Variants in AKT2 observed in about 807,000 individuals in gnomAD.
AKT2 encodes AKT serine/threonine kinase 2, also known as RAC-beta serine/threonine-protein kinase.
Under a neutral mutation model 58.6 loss-of-function variants are expected in AKT2, and 16 were observed. The ratio of observed to expected loss-of-function variants is 0.27; its 90% CI spans 0.18 to 0.41. The LOEUF is 0.41. Among genes scored for constraint, AKT2 ranks in the 10% least tolerant of loss-of-function variants. The pLI, the probability that AKT2 is intolerant of heterozygous loss-of-function variation, is 1.00. For missense variants in AKT2, 438 were observed against 661.0 expected, an observed-to-expected ratio of 0.66 and a Z score of 3.70; for synonymous variants, 253 against 254.0, an observed-to-expected ratio of 1.00 and a Z score of 0.04.
At chr19:40,280,845 A>G (rs1308600654) in intron 1 of AKT2, 1 of 152,346 alleles carries the variant, frequency 6.6e-6, no homozygotes, top group Non-Finnish European at 1.5e-5. Flanking sequence ...AGAAGTGCCC[A>G]GTCTGTCACC....
intron 4 of AKT2, among the ~76,000 whole-genome samples, chr19:40,246,937 C>T (rs555899277): frequency 4.6e-5 from 7 of 152,314 alleles, no homozygotes; most frequent in Admixed American, 2.6e-4. Context: ...GCGCGCAGGG[C>T]GGGGTGGAAG....
Position 40,231,995 on chromosome 19 carries a change from G to A in AKT2, c.*1877C>T, listed in dbSNP as rs1973726475. ...TCCCTCTCATTCAGTGACAGCACAGGCACCCTCCTCATTCTGGGCTACCCA... is the reference window on the plus strand; with the variant it reads ...TCCCTCTCATTCAGTGACAGCACAGACACCCTCCTCATTCTGGGCTACCCA... On this transcript the variant is annotated 3_prime_UTR_variant, in exon 14 of 14. Coordinates refer to ENST00000392038, the MANE Select transcript of AKT2 (RefSeq NM_001626.6). 4.3e-6 allele frequency: 1 copy of A among 233,532 alleles called. No individual in the cohort carries two copies. Among genetic ancestry groups the A allele is most frequent in the Non-Finnish European group, 8.5e-6 (1 of 118,294 alleles). The allele number at this position is 233,532 out of a possible 1,614,324, so 14.5% of individuals were successfully genotyped here.
At chr19:40,239,791 G>A (rs184173571) in intron 7 of AKT2, 2 of 672,190 alleles carry the variant, frequency 3.0e-6, no homozygotes, top group Admixed American at 2.0e-5. Context: ...AGCAAATAAT[G>A]TGATATCTTC....
In AKT2 at chr19:40,256,950, G is replaced by C. The variant is rs201145928; in HGVS notation, c.151C>G (p.Pro51Ala). ...RPEAPDQTLP[P>A]LNNFSVAECQ... ...CCTGCTACGGAGAAGTTGTTTAAGG[G>C]GGGTAGAGTCTGATCAGGGGCCTCG... Residue 51 changes from proline to alanine, a missense_variant, in exon 3 of 14, where the codon CCC (proline) becomes GCC (alanine). Transcript: ENST00000392038. 71 of 1,614,056 alleles carry C rather than the reference G, an allele frequency of 4.4e-5. No homozygotes were observed. The highest frequency in any genetic ancestry group is 5.7e-5 in the Non-Finnish European group (67 of 1,180,018).
chr19:40,257,140 G>A, intron 2 of AKT2, 86 bp from the exon 3 acceptor site: 1 of 1,536,756 alleles, frequency 6.5e-7, no homozygotes, highest in Non-Finnish European at 9.0e-7. Flanking sequence ...CAGTGTGACG[G>A]TGACTCACAA....
intron 6 of AKT2, chr19:40,241,575 A>G (rs1974408044): frequency 3.3e-6 from 1 of 299,112 alleles, no homozygotes. Context: ...GGGAAAAAGT[A>G]GAATTCCACT....
At chr19:40,282,399 C>A (rs911180007) in intron 1 of AKT2, 9 of 435,998 alleles carry the variant, frequency 2.1e-5, no homozygotes, top group Non-Finnish European at 4.1e-5. Flanking sequence ...GTAGCTGTGT[C>A]ACCCCCTGCA....
rs1015673747 is a variant in AKT2 at position 40,260,444 on chromosome 19, A to G, written c.47-3390T>C. On this transcript the variant is annotated intron_variant, in intron 2 of 13. Transcript: ENST00000392038. ...CAAGAGATAAAGACCATCCTGGCCA[A>G]TATGGTGAAACCCCATCTCTACTAA... 2.2e-4 allele frequency among the ~76,000 whole-genome samples: 33 copies of G among 151,988 alleles called. 1 individual carries two copies. The highest frequency in any genetic ancestry group is 8.0e-4 in the African/African-American group (33 of 41,362).
intron 10 of AKT2, 30 bp downstream of exon 10, chr19:40,236,227 C>T: frequency 6.2e-7 from 1 of 1,613,488 alleles, no homozygotes; most frequent in Non-Finnish European, 8.5e-7. Context: ...CTTGGCCTCA[C>T]ACGTTCCTAC....
chr19:40,275,737 G>A (rs1057130569), intron 1 of AKT2, among the ~76,000 whole-genome samples: 1 of 130,506 alleles, frequency 7.7e-6, no homozygotes, highest in Non-Finnish European at 1.6e-5. Flanking sequence ...GATGACTCAC[G>A]CCTGTAATCC....
chr19:40,240,026 G>A lies in AKT2; in HGVS notation c.639+19C>T, dbSNP rs758140059. 6.2e-7 allele frequency: 1 copy of A among 1,612,884 alleles called. No individual in the cohort carries two copies. Among genetic ancestry groups the A allele is most frequent in the Admixed American group, 1.7e-5 (1 of 60,028 alleles). ...CAAAGGCTGGCCTCACACTGTCTGG[G>A]AAGGGGAGGGCAACTCACAGTGAGG... On this transcript the variant is annotated intron_variant, in intron 7 of 13. Transcript: ENST00000392038.
chr19:40,263,921 G>A (rs1433302359), intron 2 of AKT2, among the ~76,000 whole-genome samples: 1 of 152,154 alleles, frequency 6.6e-6, no homozygotes, highest in Admixed American at 6.5e-5. Context: ...CCCCTTCTCA[G>A]CGAAGCCCCC....
At chr19:40,246,394 G>T (rs151155091) in intron 4 of AKT2, among the ~76,000 whole-genome samples, 362 of 152,278 alleles carry the variant, frequency 2.4e-3, no homozygotes, top group African/African-American at 7.9e-3. Context: ...CAAGTGCTGG[G>T]ATTACAGGTG....
chr19:40,240,357 G>C, intron 6 of AKT2: 1 of 693,504 alleles, frequency 1.4e-6, no homozygotes, highest in Non-Finnish European at 2.7e-6. Context: ...GGACCAGGCT[G>C]CTAGGGACAA....
chr19:40,276,501 G>A (rs145748061), intron 1 of AKT2, among the ~76,000 whole-genome samples: 2,553 of 151,108 alleles, frequency 0.017, 28 homozygotes, highest in Non-Finnish European at 0.025. Context: ...GAATAGCTAG[G>A]ATTATAGGCA....
rs903177336 is a variant in AKT2 at position 40,255,126 on chromosome 19, T to C, written c.287+32A>G. On this transcript the variant is annotated intron_variant, in intron 4 of 13. Coordinates refer to ENST00000392038, the MANE Select transcript of AKT2 (RefSeq NM_001626.6). ...CTCCTCACACCAGGCTTGCTCCCTC[T>C]CAAGGGCAGCCACACAGAGGCCCAG... is the stretch of plus-strand genomic sequence containing the variant. The C allele has an allele frequency of 3.9e-6, 6 of 1,557,926 alleles. No homozygotes were observed. The African/African-American group carries it at 8.1e-5, about 21-fold the overall frequency.
intron 4 of AKT2, among the ~76,000 whole-genome samples, chr19:40,254,365 T>C (rs1373184832): frequency 6.6e-6 from 1 of 151,990 alleles, no homozygotes; most frequent in Non-Finnish European, 1.5e-5. Context: ...CTGTCTCTAC[T>C]AAAAATACAA....
At chr19:40,265,413 A>G in intron 1 of AKT2, 62 bp from the exon 2 acceptor site, 1 of 1,521,836 alleles carries the variant, frequency 6.6e-7, no homozygotes, top group East Asian at 2.5e-5. Context: ...CCCTTCCCTG[A>G]GGACGCCGGG....
chr19:40,238,746 C>G lies in AKT2; in HGVS notation c.708+159G>C, dbSNP rs987962189. 6.6e-6 allele frequency among the ~76,000 whole-genome samples: 1 copy of G among 152,130 alleles called. No homozygotes were observed. The highest frequency in any genetic ancestry group is 1.5e-5 in the Non-Finnish European group (1 of 68,020). ...CTCTCTGAGCCTCAGTGACTGCCCC[C>G]CCAAAATGGAGACGAAGCCGCCTGC... On this transcript the variant is annotated intron_variant, in intron 8 of 13. Coordinates refer to ENST00000392038, the MANE Select transcript of AKT2 (RefSeq NM_001626.6). The surrounding 1 kb of genome is among the most constrained non-coding windows in gnomAD (Gnocchi z 5.1).
Sources: gnomAD v4.1 joint callset for allele counts (sites outside exome capture counted in the v4.1 genomes callset) on GRCh38, gnomAD v4.1.1 for gene constraint, Gnocchi (gnomAD v3.1) non-coding constraint, MANE v1.5 for transcripts, NCBI Gene and HGNC (gene_info 2026-07-23, HGNC 2026-07-21) for gene names.